Variants in ARHGAP26 observed in about 807,000 individuals in gnomAD.
ARHGAP26 encodes rho GTPase-activating protein 26.
A neutral mutation model predicts 104.8 loss-of-function variants in ARHGAP26; 38 were observed. That is an observed-to-expected ratio of 0.36 (90% CI 0.28 to 0.48). The LOEUF (loss-of-function observed/expected upper bound fraction) is 0.48. Among genes scored for constraint, ARHGAP26 ranks in the 20% least tolerant of loss-of-function variants. The probability of loss-of-function intolerance (pLI) is 0.99; values close to 1 mark genes in which losing one functional copy is unlikely to be tolerated. For synonymous variants in ARHGAP26, 341 were observed against 340.0 expected, an observed-to-expected ratio of 1.00 and a Z score of -0.03; for missense variants, 704 against 947.9, an observed-to-expected ratio of 0.74 and a Z score of 3.38.
At chr5:143,032,645 A>G (rs773551480) in intron 12 of ARHGAP26, among the ~76,000 whole-genome samples, 17 of 152,242 alleles carry the variant, frequency 1.1e-4, no homozygotes, top group African/African-American at 2.9e-4. Flanking sequence ...GGAGATCTCA[A>G]TTAACTTAGA....
At chr5:143,185,365 T>C (rs1404074280) in intron 20 of ARHGAP26, among the ~76,000 whole-genome samples, 1 of 152,194 alleles carries the variant, frequency 6.6e-6, no homozygotes, top group Non-Finnish European at 1.5e-5. Flanking sequence ...ACAATAAGTA[T>C]GAAGTCTTTT....
rs911954229 is a variant in ARHGAP26, at chr5:143,031,421, GTGA to G, written c.1145-5762_1145-5760del. Among the ~76,000 whole-genome samples the G allele has an allele frequency of 8.2e-4, 125 of 152,276 alleles. 1 individual carries two copies. The highest frequency in any genetic ancestry group is 3.0e-3 in the African/African-American group (123 of 41,562). The stretch of plus-strand genomic sequence containing the variant: ...GATGATTGAGGTAGGGACCAGGATG[GTGA>G]TGATGATGATGAAGAAATTGGACAA... On this transcript the variant is annotated intron_variant, in intron 12 of 22. Transcript: ENST00000645722.
intron 1 of ARHGAP26, among the ~76,000 whole-genome samples, chr5:142,785,322 A>G (rs2151875221): frequency 6.6e-6 from 1 of 152,342 alleles, no homozygotes; most frequent in Non-Finnish European, 1.5e-5. Context: ...GCAGCTCCTC[A>G]GAATGCTGCA....
chr5:143,170,647 T>C lies in ARHGAP26; in HGVS notation c.1988+23266T>C, dbSNP rs146158503. ...ATTTTACATGTGTGTACTTATTTAA[T>C]CAACATAATGCCGGAGGTACTGTTG... is the stretch of plus-strand genomic sequence containing the variant. On this transcript the variant is annotated intron_variant, in intron 20 of 22. Coordinates refer to ENST00000645722, the MANE Select transcript of ARHGAP26 (RefSeq NM_001135608.3). 1.8e-4 allele frequency: 27 copies of C among 152,340 alleles called. No individual in the cohort carries two copies. In the East Asian group the frequency reaches 5.0e-3, roughly 28 times the overall value. 9.4% of individuals were successfully genotyped at this position (152,340 alleles called of 1,614,324 possible). A position where few individuals can be genotyped will look rare whatever the true frequency, so the allele number is the denominator to read the frequency against.
At chr5:142,836,022 A>G (rs1769483016) in intron 1 of ARHGAP26, among the ~76,000 whole-genome samples, 2 of 152,244 alleles carry the variant, frequency 1.3e-5, no homozygotes, top group Admixed American at 1.3e-4. Flanking sequence ...AGGCCAGGGC[A>G]TCTGAATCCA....
chr5:142,917,709 T>A (rs912693915), intron 10 of ARHGAP26, among the ~76,000 whole-genome samples: 5 of 152,276 alleles, frequency 3.3e-5, no homozygotes, highest in African/African-American at 1.2e-4. Context: ...TATTTATTTG[T>A]TTAGAGGTGG....
At chr5:143,121,210 ACC>A in intron 18 of ARHGAP26, 63 bp downstream of exon 18, 3 of 1,542,330 alleles carry the variant, frequency 1.9e-6, no homozygotes, top group Non-Finnish European at 2.6e-6. Flanking sequence ...ATTGGAATTG[ACC>A]TTCAGAGTTG....
intron 1 of ARHGAP26, among the ~76,000 whole-genome samples, chr5:142,805,491 G>A (rs1242626691): frequency 6.6e-6 from 1 of 152,092 alleles, no homozygotes; most frequent in Non-Finnish European, 1.5e-5. Context: ...TGAAATTTTT[G>A]TACAAGTTTT....
chr5:142,789,710 C>T (rs977681735), intron 1 of ARHGAP26, among the ~76,000 whole-genome samples: 1 of 152,194 alleles, frequency 6.6e-6, no homozygotes, highest in East Asian at 1.9e-4. Context: ...CATTTCCTTG[C>T]ACCCCCACCC....
intron 13 of ARHGAP26, 104 bp downstream of exon 13, chr5:143,037,365 C>G: frequency 1.1e-6 from 1 of 897,420 alleles, no homozygotes; most frequent in Non-Finnish European, 1.6e-6. Context: ...GACTCATTAG[C>G]TCCCCAAGTG....
chr5:143,081,157 G>A lies in ARHGAP26; in HGVS notation c.1538+23410G>A, dbSNP rs183631620. Among the ~76,000 whole-genome samples the A allele has an allele frequency of 3.4e-3, 515 of 152,224 alleles. 4 individuals carry two copies. The highest frequency in any genetic ancestry group is 5.4e-3 in the Non-Finnish European group (365 of 68,006). On this transcript the variant is annotated intron_variant, in intron 17 of 22. Transcript: ENST00000645722. Reference sequence around the variant, plus strand: ...TTCTACTGAGAGCTCTCAGCATACAGATTATTCTTTCTTGTATATCAACCA... The same window carrying A: ...TTCTACTGAGAGCTCTCAGCATACAAATTATTCTTTCTTGTATATCAACCA...
intron 18 of ARHGAP26, among the ~76,000 whole-genome samples, chr5:143,124,417 A>G (rs1184846284): frequency 6.6e-6 from 1 of 152,224 alleles, no homozygotes; most frequent in Non-Finnish European, 1.5e-5. Context: ...TATTACTCTC[A>G]ATTCTGTGAG....
At chr5:142,961,338 A>G (rs959926730) in intron 11 of ARHGAP26, among the ~76,000 whole-genome samples, 3 of 152,052 alleles carry the variant, frequency 2.0e-5, no homozygotes, top group African/African-American at 7.2e-5. Context: ...AAAAAATACA[A>G]AAAACTAGCC....
intron 1 of ARHGAP26, among the ~76,000 whole-genome samples, chr5:142,816,030 T>C (rs898483533): frequency 3.5e-4 from 54 of 152,230 alleles, no homozygotes; most frequent in African/African-American, 1.3e-3. Flanking sequence ...ACTCCTGGGC[T>C]GAAGCCGTCC....
rs78448109 is a variant in ARHGAP26 at position 143,050,348 on chromosome 5, C to CT, written c.1286-4078dup. Among the ~76,000 whole-genome samples, 1,272 of 144,488 alleles carry CT rather than the reference C, an allele frequency of 8.8e-3. 10 individuals are homozygous for CT. The highest frequency in any genetic ancestry group is 0.046 in the East Asian group (234 of 5,038). 94.8% of individuals were successfully genotyped at this position (144,488 alleles called of 152,430 possible). ...TGTAACCTTTTTTGTTCTTCTTCTTCTTTTTTTTTTTTTAAACCACATTTA... is the reference window on the plus strand; with the variant it reads ...TGTAACCTTTTTTGTTCTTCTTCTTCTTTTTTTTTTTTTTAAACCACATTTA... On this transcript the variant is annotated intron_variant, in intron 14 of 22. Coordinates refer to ENST00000645722, the MANE Select transcript of ARHGAP26 (RefSeq NM_001135608.3).
intron 18 of ARHGAP26, among the ~76,000 whole-genome samples, chr5:143,122,060 C>G (rs1245405069): frequency 6.6e-6 from 1 of 152,132 alleles, no homozygotes; most frequent in Non-Finnish European, 1.5e-5. Context: ...TTACAAGAGC[C>G]TCCTAATTTG....
intron 7 of ARHGAP26, 56 bp from the exon 8 acceptor site, chr5:142,903,484 A>T (rs999129568): frequency 6.4e-7 from 1 of 1,572,634 alleles, no homozygotes; most frequent in Admixed American, 1.7e-5. Context: ...GTTGATCTGG[A>T]TTGTTAAAAC....
chr5:143,050,160 C>T (rs1434704792), intron 14 of ARHGAP26, among the ~76,000 whole-genome samples: 1 of 152,202 alleles, frequency 6.6e-6, no homozygotes, highest in East Asian at 1.9e-4. Flanking sequence ...CTGGATTTTC[C>T]TCAGGCCTTC....
At chr5:142,963,161 A>G (rs1348695820) in intron 11 of ARHGAP26, among the ~76,000 whole-genome samples, 3 of 99,266 alleles carry the variant, frequency 3.0e-5, no homozygotes, top group Non-Finnish European at 3.6e-5. Flanking sequence ...GTAGTATTCC[A>G]TGGTATATAT....
Sources: gnomAD v4.1 joint callset for allele counts (sites outside exome capture counted in the v4.1 genomes callset) on GRCh38, gnomAD v4.1.1 for gene constraint, MANE v1.5 for transcripts, NCBI Gene and HGNC (gene_info 2026-07-23, HGNC 2026-07-21) for gene names.